Variants in XG observed in about 807,000 individuals in gnomAD.
XG encodes the protein glycoprotein Xg.
Under a neutral mutation model 25.7 loss-of-function variants are expected in XG, and 24 were observed. That is an observed-to-expected ratio of 0.93 (90% CI 0.68 to 1.31). XG has a LOEUF of 1.31. XG is among the 40% of genes most tolerant of loss of function. The pLI is 0.00. For missense variants in XG, 181 were observed against 187.6 expected (o/e 0.96, Z 0.21); for synonymous variants, 77 against 69.2 (o/e 1.11, Z -0.56).
intron 3 of XG, among the ~76,000 whole-genome samples, chrX:2,778,272 G>A (rs998995016): frequency 6.6e-6 from 1 of 152,218 alleles, no homozygotes; most frequent in Non-Finnish European, 1.5e-5. Context: ...GCTGGGCGTG[G>A]TGGCTCACGC....
At chrX:2,753,490 T>G (rs1164626615) in intron 1 of XG, among the ~76,000 whole-genome samples, 1 of 152,158 alleles carries the variant, frequency 6.6e-6, no homozygotes, top group Non-Finnish European at 1.5e-5. Flanking sequence ...GACATGATGG[T>G]TCAATTTAAG....
In XG at chrX:2,805,430, C is replaced by T. The variant is rs183762739; in HGVS notation, c.374-1271C>T. On this transcript the variant is annotated intron_variant, in intron 7 of 10. Transcript: ENST00000644266. Reference sequence around the variant, plus strand: ...GCTGGTTCCTCCTGAAGCCTCTCTCCTTGGCTCGTCGACATCATCATCTCC... The same window carrying T: ...GCTGGTTCCTCCTGAAGCCTCTCTCTTTGGCTCGTCGACATCATCATCTCC... 3.9e-3 allele frequency among the ~76,000 whole-genome samples: 432 copies of T among 111,547 alleles called. 1 individual carries two copies. The highest frequency in any genetic ancestry group is 0.013 in the African/African-American group (402 of 30,655).
chrX:2,770,036 T>TGGGGGGGGGGG (rs1556363415), intron 1 of XG, among the ~76,000 whole-genome samples: 1 of 43,332 alleles, frequency 2.3e-5, no homozygotes, highest in Non-Finnish European at 4.8e-5. Flanking sequence ...GGGGGGGCGT[T>TGGGGGGGGGGG]GGGGGGCGGG....
chrX:2,752,577 T>G (rs761554925), intron 1 of XG, among the ~76,000 whole-genome samples: 2 of 152,290 alleles, frequency 1.3e-5, no homozygotes, highest in East Asian at 1.9e-4. Flanking sequence ...ATCTAGATAT[T>G]CGCCATATTT....
chrX:2,780,625 G>A (rs1015146942), intron 3 of XG, among the ~76,000 whole-genome samples: 3 of 151,836 alleles, frequency 2.0e-5, no homozygotes, highest in Admixed American at 6.6e-5. Context: ...GACTGAGGCA[G>A]GAGAATCACT....
In XG at chrX:2,786,722, G is replaced by C. The variant is rs761976329; in HGVS notation, c.191-2922G>C. ...TCTTTGGAGATGGGGCCTTTAAGAA[G>C]GAGATTAATGTAAAATGAGGTCACT... On this transcript the variant is annotated intron_variant, in intron 4 of 10. Coordinates refer to ENST00000644266, the MANE Select transcript of XG (RefSeq NM_001141919.2). 3.6e-5 allele frequency among the ~76,000 whole-genome samples: 4 copies of C among 111,423 alleles called. No homozygotes were observed. In the East Asian group the frequency reaches 1.1e-3, roughly 31 times the overall value.
intron 1 of XG, among the ~76,000 whole-genome samples, chrX:2,761,306 G>C (rs1305953787): frequency 3.3e-5 from 5 of 151,878 alleles, no homozygotes; most frequent in African/African-American, 1.2e-4. Context: ...GGGAGAAGAG[G>C]GTGTCTACAA....
At chrX:2,759,906 G>T in intron 1 of XG, among the ~76,000 whole-genome samples, 1 of 152,354 alleles carries the variant, frequency 6.6e-6, no homozygotes, top group Non-Finnish European at 1.5e-5. Context: ...CTGAGGCTGG[G>T]AAACTCTGCT....
chrX:2,792,370 G>C (rs1279032385), intron 5 of XG, among the ~76,000 whole-genome samples: 3 of 110,450 alleles, frequency 2.7e-5, no homozygotes, highest in Non-Finnish European at 5.7e-5. Context: ...GGACTTGCTT[G>C]GTTGCCTAGG....
intron 1 of XG, among the ~76,000 whole-genome samples, chrX:2,754,238 A>G (rs2050389135): frequency 6.6e-6 from 1 of 152,078 alleles, no homozygotes; most frequent in Non-Finnish European, 1.5e-5. Context: ...AGCTGGGACT[A>G]CAGGCATTTG....
chrX:2,765,546 T>C (rs2050666318), intron 1 of XG, among the ~76,000 whole-genome samples: 1 of 152,228 alleles, frequency 6.6e-6, no homozygotes, highest in Non-Finnish European at 1.5e-5. Context: ...TGCAGTTGGC[T>C]CTAATTCAGT....
intron 1 of XG, among the ~76,000 whole-genome samples, chrX:2,770,010 C>CGT (rs1225674562): frequency 1.1e-4 from 10 of 88,816 alleles, no homozygotes; most frequent in Non-Finnish European, 2.3e-4. Flanking sequence ...AGACTCTGTG[C>CGT]GTGTGTGGAG....
At chrX:2,805,981 G>A (rs1429455813) in intron 7 of XG, among the ~76,000 whole-genome samples, 4 of 111,910 alleles carry the variant, frequency 3.6e-5, no homozygotes, top group African/African-American at 1.3e-4. Context: ...TCTCAAATCT[G>A]TATTTTTAAA....
intron 4 of XG, among the ~76,000 whole-genome samples, chrX:2,782,900 G>T (rs767527689): frequency 9.5e-4 from 106 of 111,651 alleles, no homozygotes; most frequent in Non-Finnish European, 1.5e-3. Context: ...TGGGAAAGGG[G>T]CATTCTTAAT....
chrX:2,790,810 CG>C (rs780334216), intron 5 of XG, among the ~76,000 whole-genome samples: 2 of 111,017 alleles, frequency 1.8e-5, no homozygotes, highest in Non-Finnish European at 3.8e-5. Flanking sequence ...CAAAAAAAGG[CG>C]GGGGGGTGGT....
In XG at chrX:2,767,594, C is replaced by T. The variant is rs191340786; in HGVS notation, c.62-2956C>T. Among the ~76,000 whole-genome samples the T allele has an allele frequency of 3.9e-5, 6 of 152,278 alleles. No homozygotes were observed. The South Asian group carries it at 1.0e-3, about 26-fold the overall frequency. ...GAAAGCAATGGCGTCATGTGCAACCCGACCTTGGAGACAGAGACCCCAGAG... is the reference window on the plus strand; with the variant it reads ...GAAAGCAATGGCGTCATGTGCAACCTGACCTTGGAGACAGAGACCCCAGAG... On this transcript the variant is annotated intron_variant, in intron 1 of 10. Transcript: ENST00000644266.
Position 2,789,150 on chromosome X carries a change from G to A in XG, c.191-494G>A, listed in dbSNP as rs370211258. 3.6e-5 allele frequency among the ~76,000 whole-genome samples: 4 copies of A among 110,927 alleles called. No homozygotes were observed. The East Asian group carries it at 1.1e-3, about 31-fold the overall frequency. On this transcript the variant is annotated intron_variant, in intron 4 of 10. Transcript: ENST00000644266. Reference sequence around the variant, plus strand: ...GGTGGCTGAGGTGGGAGGATTGTTTGAGCCTAGGAACTCGAGGCTGCGGGG... The same window carrying A: ...GGTGGCTGAGGTGGGAGGATTGTTTAAGCCTAGGAACTCGAGGCTGCGGGG...
intron 2 of XG, among the ~76,000 whole-genome samples, chrX:2,773,361 GAA>G (rs1423709822): frequency 7.2e-6 from 1 of 139,324 alleles, no homozygotes; most frequent in East Asian, 2.3e-4. Flanking sequence ...AAGGAAGAAA[GAA>G]AAAGAATAAG....
chrX:2,759,710 C>A (rs2050520339), intron 1 of XG, among the ~76,000 whole-genome samples: 1 of 152,148 alleles, frequency 6.6e-6, no homozygotes, highest in African/African-American at 2.4e-5. Context: ...AACAACTGAC[C>A]CTTCCTGTGA....
Sources: allele counts gnomAD v4.1 joint callset (sites outside exome capture counted in the v4.1 genomes callset), GRCh38; gene constraint gnomAD v4.1.1; transcripts MANE v1.5; gene names NCBI Gene and HGNC (gene_info 2026-07-23, HGNC 2026-07-21).